The following MTUS1 variants were observed in gnomAD, a reference collection of about 807,000 sequenced individuals.
MTUS1 encodes the protein microtubule-associated tumor suppressor 1.
A neutral mutation model predicts 120.8 loss-of-function variants in MTUS1; 109 were observed. The observed-to-expected ratio is 0.90, with a 90% CI of 0.77 to 1.06. The LOEUF is 1.06. Among genes scored for constraint, MTUS1 ranks in the 50% least tolerant of loss-of-function variants. MTUS1 has a pLI of 0.00. For synonymous variants in MTUS1, 737 were observed against 550.5 expected (o/e 1.34, Z -4.74); for missense variants, 2,210 against 1,486.3 (o/e 1.49, Z -8.01).
rs1411388507 is a variant in MTUS1, at chr8:17,643,939, T to TAAAC, written c.*1983_*1986dup. 2 of 152,266 alleles carry TAAAC rather than the reference T, an allele frequency of 1.3e-5. No individual in the cohort carries two copies. Among genetic ancestry groups the TAAAC allele is most frequent in the Non-Finnish European group, 1.5e-5 (1 of 68,046 alleles). 9.4% of individuals were successfully genotyped at this position (152,266 alleles called of 1,614,324 possible). ...TGCATTCTACATGAAACATTTGGTT[T>TAAAC]AAACAAAATCTTAAGAATTCTCTAT... On this transcript the variant is annotated 3_prime_UTR_variant, in exon 15 of 15. Transcript: ENST00000693296.
At chr8:17,647,625 G>C (rs10089607) in intron 13 of MTUS1, among the ~76,000 whole-genome samples, 89,052 of 151,952 alleles carry the variant, frequency 0.59, 26,685 homozygotes, top group Middle Eastern at 0.69. Context: ...CTTAGAGCAT[G>C]CCATCAAAGA....
intron 7 of MTUS1, chr8:17,675,958 C>T (rs1813018123): frequency 4.0e-6 from 1 of 251,744 alleles, no homozygotes; most frequent in African/African-American, 2.2e-5. Flanking sequence ...ACCAGCAACT[C>T]CCGGCAATCA....
At chr8:17,650,185 A>G (rs1806687448) in intron 12 of MTUS1, among the ~76,000 whole-genome samples, 1 of 152,238 alleles carries the variant, frequency 6.6e-6, no homozygotes, top group Non-Finnish European at 1.5e-5. Context: ...GTAACTTAAT[A>G]TGCAAAAATG....
chr8:17,648,193 T>C (rs1419489713), intron 13 of MTUS1, among the ~76,000 whole-genome samples: 3 of 152,194 alleles, frequency 2.0e-5, no homozygotes, highest in African/African-American at 7.2e-5. Context: ...CTTAGAAAAC[T>C]TCCTGTGCTT....
chr8:17,784,809 G>C (rs1042034977), intron 1 of MTUS1, among the ~76,000 whole-genome samples: 15 of 147,162 alleles, frequency 1.0e-4, no homozygotes, highest in Admixed American at 6.8e-5. Context: ...TTTTGACACA[G>C]AGGCTTGCTC....
At chr8:17,725,262 G>A (rs17125217) in intron 3 of MTUS1, among the ~76,000 whole-genome samples, 2 of 152,126 alleles carry the variant, frequency 1.3e-5, no homozygotes, top group African/African-American at 4.8e-5. Context: ...AATGCTGCTG[G>A]AAAGTAATGC....
In MTUS1 at chr8:17,753,767, G is replaced by C; in HGVS notation, c.2041C>G (p.Leu681Val). The C allele has an allele frequency of 6.2e-7, 1 of 1,612,932 alleles. No individual in the cohort carries two copies. Among genetic ancestry groups the C allele is most frequent in the African/African-American group, 1.3e-5 (1 of 74,880 alleles). Residue 681 changes from leucine to valine, a missense_variant, in exon 2 of 15, where the codon CTG becomes GTG. Coordinates refer to ENST00000693296, the MANE Select transcript of MTUS1 (RefSeq NM_001363059.2). ...ENGTSMEKQE[L>V]KQEIMNETFE... ...GTCTCATTCATAATCTCTTGTTTCA[G>C]CTCTTGTTTTTCCATAGATGTCCCA... is the stretch of plus-strand genomic sequence containing the variant.
chr8:17,656,699 A>C (rs1256664931), intron 8 of MTUS1, among the ~76,000 whole-genome samples: 2 of 151,888 alleles, frequency 1.3e-5, no homozygotes, highest in Non-Finnish European at 2.9e-5. Flanking sequence ...GACATTTCTT[A>C]GGACAAGCGA....
At chr8:17,745,110 T>C (rs2047643944) in intron 2 of MTUS1, among the ~76,000 whole-genome samples, 1 of 152,226 alleles carries the variant, frequency 6.6e-6, no homozygotes, top group Non-Finnish European at 1.5e-5. Flanking sequence ...GTTTGGCTTT[T>C]TTCATTAACA....
intron 6 of MTUS1, among the ~76,000 whole-genome samples, chr8:17,690,919 G>T (rs1292703385): frequency 1.3e-5 from 2 of 152,024 alleles, no homozygotes; most frequent in Non-Finnish European, 2.9e-5. Flanking sequence ...GTGTTTCTAA[G>T]AAAATAATAT....
intron 3 of MTUS1, among the ~76,000 whole-genome samples, chr8:17,729,170 A>C (rs778085096): frequency 2.6e-5 from 4 of 152,246 alleles, no homozygotes; most frequent in African/African-American, 4.8e-5. Flanking sequence ...AGAGACAGTT[A>C]CCTTTAGAGT....
chr8:17,735,578 A>G (rs2046869472), intron 3 of MTUS1, among the ~76,000 whole-genome samples: 1 of 152,176 alleles, frequency 6.6e-6, no homozygotes, highest in Admixed American at 6.5e-5. Context: ...TGACAAGGCC[A>G]CATCTGCACC....
intron 1 of MTUS1, among the ~76,000 whole-genome samples, chr8:17,782,950 C>T (rs962374404): frequency 1.3e-5 from 2 of 152,142 alleles, no homozygotes; most frequent in South Asian, 4.2e-4. Context: ...TGGTAGTGGG[C>T]GCCTGTAATC....
intron 12 of MTUS1, 68 bp from the exon 13 acceptor site, chr8:17,650,030 T>G: frequency 1.2e-6 from 1 of 857,456 alleles, no homozygotes; most frequent in South Asian, 1.4e-5. Context: ...AAAGAATCTT[T>G]GATTAGATTG....
intron 13 of MTUS1, 47 bp from the exon 14 acceptor site, chr8:17,647,126 A>T: frequency 6.7e-7 from 1 of 1,502,140 alleles, no homozygotes; most frequent in Admixed American, 1.9e-5. Context: ...TTAAAAAAAA[A>T]ACCCCTCATT....
intron 4 of MTUS1, among the ~76,000 whole-genome samples, chr8:17,719,630 T>A (rs1823019623): frequency 6.6e-6 from 1 of 152,074 alleles, no homozygotes; most frequent in Non-Finnish European, 1.5e-5. Flanking sequence ...ATGACAGACA[T>A]CACGACTTGA....
Position 17,649,996 on chromosome 8 carries a change from C to T in MTUS1, c.3385-34G>A, listed in dbSNP as rs202188499. On this transcript the variant is annotated intron_variant, in intron 12 of 14. Coordinates refer to ENST00000693296, the MANE Select transcript of MTUS1 (RefSeq NM_001363059.2). ...GACACAGCAAGATACTGCTCTTATT[C>T]CACATAGTTCAAATTCTTAACAGAA... The T allele has an allele frequency of 4.8e-4, 510 of 1,059,544 alleles. 10 individuals are homozygous for T. In the South Asian group the frequency reaches 6.3e-3, roughly 13 times the overall value. The allele number at this position is 1,059,544 out of a possible 1,614,324, so 65.6% of individuals were successfully genotyped here.
At chr8:17,685,691 A>C (rs1815636735) in intron 6 of MTUS1, among the ~76,000 whole-genome samples, 1 of 106,084 alleles carries the variant, frequency 9.4e-6, no homozygotes, top group African/African-American at 2.8e-5. Context: ...TAAGTTAAAA[A>C]CAGGGAAAAA....
At chr8:17,742,279 T>TTTG (rs1164422824) in intron 3 of MTUS1, among the ~76,000 whole-genome samples, 6 of 120,122 alleles carry the variant, frequency 5.0e-5, no homozygotes, top group East Asian at 5.4e-4. Context: ...GTTTTTTTTT[T>TTTG]TTGTTGTTGT....
Sources: gnomAD v4.1 joint callset for allele counts (sites outside exome capture counted in the v4.1 genomes callset) on GRCh38, gnomAD v4.1.1 for gene constraint, MANE v1.5 for transcripts, NCBI Gene and HGNC (gene_info 2026-07-23, HGNC 2026-07-21) for gene names.